Variants in OSBP2 observed in about 807,000 individuals in gnomAD.
OSBP2 encodes the protein oxysterol binding protein 2.
In OSBP2, 66 loss-of-function variants were observed where a neutral mutation model predicts 96.0. The ratio of observed to expected loss-of-function variants is 0.69; its 90% CI spans 0.56 to 0.84. The LOEUF (loss-of-function observed/expected upper bound fraction) is 0.84, where lower values mean the gene tolerates loss of function less well. Among genes scored for constraint, OSBP2 ranks in the 40% least tolerant of loss-of-function variants. The pLI is 0.00. For missense variants in OSBP2, 1,038 were observed against 1,222.7 expected (o/e 0.85, Z 2.25); for synonymous variants, 525 against 520.9 (o/e 1.01, Z -0.11).
At chr22:30,727,749 A>T (rs2089674533) in intron 1 of OSBP2, among the ~76,000 whole-genome samples, 1 of 152,186 alleles carries the variant, frequency 6.6e-6, no homozygotes, top group Non-Finnish European at 1.5e-5. Context: ...ATAAGTGTTT[A>T]GCTCAGTGAA....
chr22:30,709,529 T>A (rs998401979), intron 1 of OSBP2, among the ~76,000 whole-genome samples: 1 of 152,014 alleles, frequency 6.6e-6, no homozygotes, highest in African/African-American at 2.4e-5. Context: ...TTTTTTGTTT[T>A]TTTTTGAGAC....
chr22:30,816,302 A>G (rs2091082743), intron 2 of OSBP2, among the ~76,000 whole-genome samples: 1 of 152,168 alleles, frequency 6.6e-6, no homozygotes, highest in African/African-American at 2.4e-5. Flanking sequence ...TGAAGACGAA[A>G]TAAATGGGCA....
At chr22:30,706,630 C>A (rs1187811968) in intron 1 of OSBP2, among the ~76,000 whole-genome samples, 2 of 152,160 alleles carry the variant, frequency 1.3e-5, no homozygotes, top group Non-Finnish European at 2.9e-5. Flanking sequence ...GAAGCCCTGA[C>A]CCTCGGCGTG....
At chr22:30,887,073 A>C (rs966796284) in intron 3 of OSBP2, among the ~76,000 whole-genome samples, 3 of 152,170 alleles carry the variant, frequency 2.0e-5, no homozygotes, top group Non-Finnish European at 2.9e-5. Context: ...TCCCCTTTTT[A>C]GACCATAGAG....
At chr22:30,823,903 A>C in intron 2 of OSBP2, among the ~76,000 whole-genome samples, 1 of 152,232 alleles carries the variant, frequency 6.6e-6, no homozygotes, top group Non-Finnish European at 1.5e-5. Context: ...TTTACGCGAA[A>C]TTTAAATGAT....
At chr22:30,786,490 C>A (rs2090592131) in intron 2 of OSBP2, among the ~76,000 whole-genome samples, 1 of 152,064 alleles carries the variant, frequency 6.6e-6, no homozygotes, top group Non-Finnish European at 1.5e-5. Context: ...AATACAAAAT[C>A]ATGATGCAAT....
At chr22:30,785,124 G>C (rs1445608889) in intron 2 of OSBP2, among the ~76,000 whole-genome samples, 6 of 152,034 alleles carry the variant, frequency 3.9e-5, no homozygotes, top group Admixed American at 2.0e-4. Flanking sequence ...TCTCTTCCAT[G>C]TAAATGTTAG....
chr22:30,728,760 G>C (rs963619099), intron 1 of OSBP2, among the ~76,000 whole-genome samples: 1 of 152,296 alleles, frequency 6.6e-6, no homozygotes, highest in Non-Finnish European at 1.5e-5. Context: ...GTCTCCCAAA[G>C]TGTTGGGATT....
chr22:30,818,395 A>G (rs136230), intron 2 of OSBP2, among the ~76,000 whole-genome samples: 58,657 of 151,792 alleles, frequency 0.39, 11,563 homozygotes, highest in South Asian at 0.49. Flanking sequence ...ACCTGCTGTT[A>G]TTGAGTTAGG....
At chr22:30,787,643 A>C (rs1393272445) in intron 2 of OSBP2, among the ~76,000 whole-genome samples, 1 of 152,208 alleles carries the variant, frequency 6.6e-6, no homozygotes, top group Non-Finnish European at 1.5e-5. Context: ...ACTGCACTCC[A>C]GCCTGGGTAA....
At chr22:30,809,807 C>T (rs898999551) in intron 2 of OSBP2, among the ~76,000 whole-genome samples, 1 of 151,898 alleles carries the variant, frequency 6.6e-6, no homozygotes, top group East Asian at 1.9e-4. Context: ...TGTGGCTGGT[C>T]GAGGTGGAGA....
chr22:30,856,365 G>C (rs1254630379), intron 2 of OSBP2, among the ~76,000 whole-genome samples: 1 of 137,236 alleles, frequency 7.3e-6, no homozygotes, highest in Admixed American at 7.4e-5. Flanking sequence ...GTTGGAAACA[G>C]AGCCCTTCTT....
intron 2 of OSBP2, chr22:30,822,544 C>T (rs1259613515): frequency 2.3e-6 from 3 of 1,280,398 alleles, no homozygotes; most frequent in African/African-American, 1.8e-5. Flanking sequence ...CCGGGCGGCC[C>T]ACCGAGCTGT....
chr22:30,876,803 G>A (rs1406490807), intron 3 of OSBP2, among the ~76,000 whole-genome samples: 1 of 152,182 alleles, frequency 6.6e-6, no homozygotes, highest in Non-Finnish European at 1.5e-5. Context: ...GGGAGACCAA[G>A]GCTGAGGGGC....
chr22:30,701,468 C>T (rs1484182031), intron 1 of OSBP2, among the ~76,000 whole-genome samples: 3 of 151,726 alleles, frequency 2.0e-5, no homozygotes, highest in Non-Finnish European at 4.4e-5. Flanking sequence ...CTCAGCCTCC[C>T]AAGTAGCTGG....
At chr22:30,800,902 G>A (rs1258334688) in intron 2 of OSBP2, among the ~76,000 whole-genome samples, 2 of 152,092 alleles carry the variant, frequency 1.3e-5, no homozygotes, top group Non-Finnish European at 2.9e-5. Context: ...TTTTAATGGT[G>A]TGTGTGTGTC....
intron 1 of OSBP2, among the ~76,000 whole-genome samples, chr22:30,717,963 AG>A: frequency 6.6e-6 from 1 of 152,188 alleles, no homozygotes; most frequent in African/African-American, 2.4e-5. Context: ...TTAAACTCTG[AG>A]GTTAAAGCAG....
chr22:30,783,456 G>T (rs1487369381), intron 2 of OSBP2, among the ~76,000 whole-genome samples: 1 of 151,442 alleles, frequency 6.6e-6, no homozygotes, highest in Non-Finnish European at 1.5e-5. Context: ...CAAGTAGCTG[G>T]GACTACAGGT....
intron 2 of OSBP2, among the ~76,000 whole-genome samples, chr22:30,809,448 T>C (rs1424201530): frequency 6.6e-6 from 1 of 152,288 alleles, no homozygotes; most frequent in Non-Finnish European, 1.5e-5. Context: ...GGAAGTCTCC[T>C]TGGGGGAGGG....
Sources: gnomAD v4.1 joint callset for allele counts (sites outside exome capture counted in the v4.1 genomes callset) on GRCh38, gnomAD v4.1.1 for gene constraint, MANE v1.5 for transcripts, NCBI Gene and HGNC (gene_info 2026-07-23, HGNC 2026-07-21) for gene names.